The following TBCD variants were observed in gnomAD, a reference collection of about 807,000 sequenced individuals.
TBCD encodes tubulin folding cofactor D, also known as tubulin-specific chaperone D.
Under a neutral mutation model 169.3 loss-of-function variants are expected in TBCD, and 105 were observed. That is an observed-to-expected ratio of 0.62 (90% CI 0.53 to 0.73). TBCD has a LOEUF of 0.73. Among genes scored for constraint, TBCD ranks in the 30% least tolerant of loss-of-function variants. TBCD has a pLI of 0.00. For missense variants in TBCD, 1,444 were observed against 1,600.1 expected, an observed-to-expected ratio of 0.90 and a Z score of 1.66; for synonymous variants, 700 against 643.9, an observed-to-expected ratio of 1.09 and a Z score of -1.32.
Position 82,837,150 on chromosome 17 carries a change from A to G in TBCD, c.1318+22216A>G, listed in dbSNP as rs145877303. 6.2e-4 allele frequency among the ~76,000 whole-genome samples: 95 copies of G among 152,324 alleles called. 1 individual carries two copies. In the East Asian group the frequency reaches 0.016, roughly 26 times the overall value. On this transcript the variant is annotated intron_variant, in intron 13 of 38. Transcript: ENST00000355528. ...GTGTCAGAGAAGTAAGTGGGATAAC[A>G]TTGTTGCTTTGGTAAGCTTTCAAAT...
chr17:82,921,786 C>T (rs1291551835), intron 25 of TBCD, among the ~76,000 whole-genome samples: 4 of 152,162 alleles, frequency 2.6e-5, no homozygotes, highest in African/African-American at 9.7e-5. Flanking sequence ...CATTGGAATC[C>T]GAATGTTTAA....
At chr17:82,856,489 CA>C (rs1197276028) in intron 13 of TBCD, among the ~76,000 whole-genome samples, 4 of 152,134 alleles carry the variant, frequency 2.6e-5, no homozygotes, top group African/African-American at 9.7e-5. Context: ...TTGCGTTCCC[CA>C]AAATTCCTGC....
chr17:82,822,032 T>C (rs1011023327), intron 13 of TBCD, among the ~76,000 whole-genome samples: 6 of 152,238 alleles, frequency 3.9e-5, no homozygotes, highest in African/African-American at 1.4e-4. Flanking sequence ...CTTACGACGA[T>C]GTTGCTGCAG....
chr17:82,927,246 T>A lies in TBCD; in HGVS notation c.2532T>A (p.Asn844Lys). Residue 844 changes from asparagine (N) to lysine (K), a missense_variant, in exon 29 of 39, where the codon AAT becomes AAA. Coordinates refer to ENST00000355528, the MANE Select transcript of TBCD (RefSeq NM_005993.5). ...GAPDEAVCGE[N>K]VSQIYCALLG... ...CAGACGAAGCTGTGTGCGGAGAGAATGTTTCCCAGATTTACTGTGCGCTGC... is the reference window on the plus strand; with the variant it reads ...CAGACGAAGCTGTGTGCGGAGAGAAAGTTTCCCAGATTTACTGTGCGCTGC... The A allele has an allele frequency of 6.2e-7, 1 of 1,613,918 alleles. No homozygotes were observed. Among genetic ancestry groups the A allele is most frequent in the Non-Finnish European group, 8.5e-7 (1 of 1,179,810 alleles).
At chr17:82,869,204 G>A (rs2057390601) in intron 13 of TBCD, among the ~76,000 whole-genome samples, 1 of 152,204 alleles carries the variant, frequency 6.6e-6, no homozygotes, top group Non-Finnish European at 1.5e-5. Context: ...TTATTCCAAA[G>A]CACTTGAAAT....
intron 6 of TBCD, 41 bp downstream of exon 6, chr17:82,772,548 G>C: frequency 1.9e-6 from 3 of 1,605,522 alleles, no homozygotes; most frequent in South Asian, 1.1e-5. Context: ...TGGCTGGTGG[G>C]TTCTGAGAGG....
chr17:82,913,198 T>G (rs2060768712), intron 23 of TBCD: 1 of 152,210 alleles, frequency 6.6e-6, no homozygotes, highest in Non-Finnish European at 1.5e-5. Context: ...GAGTGGGGTG[T>G]CGAGTGCTCT....
At chr17:82,913,743 A>T (rs2060829612) in intron 23 of TBCD, 1 of 152,394 alleles carries the variant, frequency 6.6e-6, no homozygotes, top group Non-Finnish European at 1.5e-5. Flanking sequence ...AGCCACATTG[A>T]TGTCCCCCAG....
chr17:82,921,245 C>T lies in TBCD; in HGVS notation c.2102-256C>T, dbSNP rs528053275. On this transcript the variant is annotated intron_variant, in intron 24 of 38. Coordinates refer to ENST00000355528, the MANE Select transcript of TBCD (RefSeq NM_005993.5). ...GGGGTAACAAAAGAATAAAAGTTTC[C>T]CAAAATGTGATGTATAAAAATTTAC... 394 of 536,362 alleles carry T rather than the reference C, an allele frequency of 7.3e-4. 6 individuals are homozygous for T. In the South Asian group the frequency reaches 9.4e-3, roughly 13 times the overall value. 33.2% of individuals were successfully genotyped at this position (536,362 alleles called of 1,614,324 possible). A position where few individuals can be genotyped will look rare whatever the true frequency, so the allele number is the denominator to read the frequency against.
intron 2 of TBCD, among the ~76,000 whole-genome samples, chr17:82,758,661 CTTTTTTT>C (rs745351441): frequency 4.2e-5 from 4 of 94,594 alleles, no homozygotes; most frequent in Non-Finnish European, 6.2e-5. Flanking sequence ...TTTTTTTTTT[CTTTTTTT>C]TTTTTTTTTT....
rs937556873 is a variant in TBCD, at chr17:82,888,508, C to T, written c.1534-1160C>T. On this transcript the variant is annotated intron_variant, in intron 15 of 38. Transcript: ENST00000355528. Reference sequence around the variant, plus strand: ...TTTGGCGGGTTTTGTTTCTTACTTTCCTAATGAATTTATCACAAAAGTTAC... The same window carrying T: ...TTTGGCGGGTTTTGTTTCTTACTTTTCTAATGAATTTATCACAAAAGTTAC... 7.2e-5 allele frequency among the ~76,000 whole-genome samples: 11 copies of T among 152,170 alleles called. 1 individual carries two copies. In the South Asian group the frequency reaches 1.4e-3, roughly 20 times the overall value.
At chr17:82,854,793 G>A (rs938357494) in intron 13 of TBCD, among the ~76,000 whole-genome samples, 1 of 152,152 alleles carries the variant, frequency 6.6e-6, no homozygotes, top group African/African-American at 2.4e-5. Context: ...CCTGCACAAA[G>A]CTACACGTGA....
intron 36 of TBCD, 115 bp downstream of exon 36, chr17:82,938,251 G>A (rs948121168): frequency 1.2e-5 from 14 of 1,197,866 alleles, no homozygotes; most frequent in South Asian, 5.4e-5. Flanking sequence ...AGCCCCTCTC[G>A]TTAACGCGCC....
rs112325423 is a variant in TBCD, at chr17:82,927,327, C to G, written c.2609+4C>G. 2.5e-6 allele frequency: 4 copies of G among 1,613,330 alleles called. No homozygotes were observed. In the South Asian group the frequency reaches 3.3e-5, roughly 13 times the overall value. On this transcript the variant is annotated splice_donor_region_variant and intron_variant, in intron 29 of 38. Transcript: ENST00000355528. ...GCAGAGGGGACGTGGGCACCTGGTACGTACGTAGCAGTGGGTGAGCGCTTC... is the reference window on the plus strand; with the variant it reads ...GCAGAGGGGACGTGGGCACCTGGTAGGTACGTAGCAGTGGGTGAGCGCTTC...
At chr17:82,844,236 T>TGTGTGTGTGTGTGTGTG (rs59037028) in intron 13 of TBCD, among the ~76,000 whole-genome samples, 39 of 151,124 alleles carry the variant, frequency 2.6e-4, no homozygotes, top group South Asian at 4.2e-4. Context: ...TGTGTGTGTG[T>TGTGTGTGTGTGTGTGTG]TTAAAGACCT....
Position 82,945,314 on chromosome 17 carries a change from G to C in TBCD, c.*2851G>C, listed in dbSNP as rs376517604. The C allele has an allele frequency of 6.6e-6, 1 of 152,200 alleles. No individual in the cohort carries two copies. The highest frequency in any genetic ancestry group is 2.4e-5 in the African/African-American group (1 of 41,424). The allele number at this position is 152,200 out of a possible 1,614,324, so 9.4% of individuals were successfully genotyped here. On this transcript the variant is annotated 3_prime_UTR_variant, in exon 39 of 39. Coordinates refer to ENST00000355528, the MANE Select transcript of TBCD (RefSeq NM_005993.5). ...AATGTCTAACCTTTGGGTAATTGGG[G>C]TCTCAGAATGAAATGAAATGATGCA...
intron 5 of TBCD, 130 bp from the exon 6 acceptor site, chr17:82,772,322 G>T (rs2048351147): frequency 2.2e-6 from 2 of 897,318 alleles, no homozygotes; most frequent in Admixed American, 3.7e-5. Flanking sequence ...TTGGACTTAG[G>T]CCTGTGCTGG....
chr17:82,818,061 C>T (rs538259432), intron 13 of TBCD, among the ~76,000 whole-genome samples: 4 of 152,312 alleles, frequency 2.6e-5, no homozygotes, highest in African/African-American at 9.6e-5. Context: ...TGTGTGTGCT[C>T]TGTCATGTCT....
At chr17:82,836,099 A>G (rs1486132453) in intron 13 of TBCD, among the ~76,000 whole-genome samples, 2 of 152,248 alleles carry the variant, frequency 1.3e-5, no homozygotes, top group Non-Finnish European at 2.9e-5. Flanking sequence ...TATTAGAAGA[A>G]AGAACGTGAA....
Sources: gnomAD v4.1 joint callset for allele counts (sites outside exome capture counted in the v4.1 genomes callset) on GRCh38, gnomAD v4.1.1 for gene constraint, MANE v1.5 for transcripts, NCBI Gene and HGNC (gene_info 2026-07-23, HGNC 2026-07-21) for gene names.